QSER1: variants seen among roughly 807,000 people sequenced by gnomAD.
QSER1 encodes glutamine and serine-rich protein 1.
In QSER1, 49 loss-of-function variants were observed where a neutral mutation model predicts 158.5. The ratio of observed to expected loss-of-function variants is 0.31; its 90% CI spans 0.25 to 0.39. The LOEUF is 0.39. QSER1 is among the 10% of genes least tolerant of loss of function. The probability of loss-of-function intolerance (pLI) is 1.00; values close to 1 mark genes in which losing one functional copy is unlikely to be tolerated. For synonymous variants in QSER1, 650 were observed against 715.5 expected (o/e 0.91, Z 1.46); for missense variants, 1,754 against 2,010.3 (o/e 0.87, Z 2.44).
At chr11:32,919,604 T>C (rs1330932319) in intron 1 of QSER1, among the ~76,000 whole-genome samples, 1 of 152,210 alleles carries the variant, frequency 6.6e-6, no homozygotes, top group African/African-American at 2.4e-5. Flanking sequence ...TGGTCGATTC[T>C]TGTCAGGTTT....
rs543777054 is a variant in QSER1, at chr11:32,932,202, G to A, written c.944G>A (p.Cys315Tyr). Residue 315 changes from cysteine to tyrosine, a missense_variant, in exon 4 of 13, where the codon TGT becomes TAT. Transcript: ENST00000650167. ...ATTGAAAGAGCTCTTCTTCGAGAAT[G>A]TAGTGTTATTAAACACCATCAGCGG... ...ASIERALLRE[C>Y]SVIKHHQRPS... is the part of the protein sequence containing the mutation. 9.9e-5 allele frequency: 160 copies of A among 1,614,194 alleles called. 6 individuals are homozygous for A. In the South Asian group the frequency reaches 1.7e-3, roughly 18 times the overall value.
intron 4 of QSER1, among the ~76,000 whole-genome samples, chr11:32,935,983 T>C (rs1177159650): frequency 1.3e-5 from 2 of 152,216 alleles, no homozygotes; most frequent in Non-Finnish European, 1.5e-5. Context: ...TCAGATTATA[T>C]ACCCAAATCT....
intron 3 of QSER1, among the ~76,000 whole-genome samples, chr11:32,929,536 G>A (rs537986610): frequency 3.3e-5 from 5 of 151,866 alleles, no homozygotes; most frequent in Admixed American, 6.6e-5. Context: ...ACTATCATAC[G>A]GCCATTTAAA....
Position 32,933,814 on chromosome 11 carries a change from A to G in QSER1, c.2556A>G (p.Thr852=), listed in dbSNP as rs1218008052. Reference sequence around the variant, plus strand: ...GCCATCAGGCATCTCTTCCTAATACACAGGTCCTTTTAGATTCTGCCTGTG... The same window carrying G: ...GCCATCAGGCATCTCTTCCTAATACGCAGGTCCTTTTAGATTCTGCCTGTG... The part of the protein sequence containing the change: ...GHGHQASLPN[T]QVLLDSACDL... The change falls in exon 4 of 13, where the codon ACA becomes ACG. Residue 852 remains threonine (T), a synonymous_variant. Coordinates refer to ENST00000650167, the MANE Select transcript of QSER1 (RefSeq NM_001076786.3). 1 of 1,613,822 alleles carries G rather than the reference A, an allele frequency of 6.2e-7. No homozygotes were observed. The highest frequency in any genetic ancestry group is 1.7e-5 in the Admixed American group (1 of 59,974).
chr11:32,962,872 A>T (rs1852650811), intron 8 of QSER1, among the ~76,000 whole-genome samples: 1 of 152,184 alleles, frequency 6.6e-6, no homozygotes, highest in South Asian at 2.1e-4. Flanking sequence ...TTTAAGAATA[A>T]ATTAAGGTCT....
intron 1 of QSER1, among the ~76,000 whole-genome samples, chr11:32,896,182 GTCA>G (rs936942374): frequency 1.3e-5 from 2 of 152,104 alleles, no homozygotes; most frequent in Non-Finnish European, 2.9e-5. Flanking sequence ...AAATAAGAAG[GTCA>G]TCAAGAGTCT....
intron 11 of QSER1, among the ~76,000 whole-genome samples, chr11:32,974,144 A>G (rs117755686): frequency 0.012 from 1,851 of 152,322 alleles, 14 homozygotes; most frequent in Non-Finnish European, 0.02. Flanking sequence ...TTCAGGGCTA[A>G]GCACAATGGC....
At chr11:32,975,516 T>C in intron 12 of QSER1, 173 bp downstream of exon 12, 2 of 1,471,232 alleles carry the variant, frequency 1.4e-6, no homozygotes, top group Non-Finnish European at 1.8e-6. Context: ...CTCTGCTATG[T>C]TTTGTGCTCA....
intron 4 of QSER1, among the ~76,000 whole-genome samples, chr11:32,941,357 A>G (rs1852229502): frequency 1.4e-5 from 2 of 147,152 alleles, no homozygotes; most frequent in Non-Finnish European, 3.0e-5. Context: ...AGCATTAGGT[A>G]TATCTCCCAA....
Position 32,973,462 on chromosome 11 carries a change from A to T in QSER1, c.5271A>T (p.Gly1757=). The T allele has an allele frequency of 1.9e-6, 3 of 1,613,662 alleles. No homozygotes were observed. The highest frequency in any genetic ancestry group is 3.3e-5 in the Admixed American group (2 of 60,004). ...ITRDSKAKSG[G]TAISKIKMNG... is the part of the protein sequence containing the mutation. ...GAGATTCTAAAGCAAAGAGTGGAGGAACTGCTATTTCTAAAATCAAAATGA... is the reference window on the plus strand; with the variant it reads ...GAGATTCTAAAGCAAAGAGTGGAGGTACTGCTATTTCTAAAATCAAAATGA... Residue 1757 remains glycine (G), a synonymous_variant, in exon 11 of 13, where the codon GGA becomes GGT. Coordinates refer to ENST00000650167, the MANE Select transcript of QSER1 (RefSeq NM_001076786.3).
At chr11:32,936,121 G>A (rs1463627813) in intron 4 of QSER1, among the ~76,000 whole-genome samples, 7 of 152,038 alleles carry the variant, frequency 4.6e-5, no homozygotes, top group Non-Finnish European at 1.0e-4. Context: ...CATGTGCCAT[G>A]TTGGTGGGCT....
intron 5 of QSER1, 54 bp from the exon 6 acceptor site, chr11:32,955,242 G>C: frequency 2.1e-6 from 2 of 965,548 alleles, no homozygotes; most frequent in Non-Finnish European, 3.2e-6. Context: ...AATATTCTAA[G>C]ATCTAAAATA....
Position 32,933,292 on chromosome 11 carries a change from G to T in QSER1, c.2034G>T (p.Lys678Asn). ...SPDPKSYAERKLDSDVYPSSK... is the reference protein window; with the variant it reads ...SPDPKSYAERNLDSDVYPSSK... Reference sequence around the variant, plus strand: ...ACCCAAAGTCTTATGCTGAAAGAAAGCTTGACTCAGATGTGTATCCATCTT... The same window carrying T: ...ACCCAAAGTCTTATGCTGAAAGAAATCTTGACTCAGATGTGTATCCATCTT... Residue 678 changes from lysine (K) to asparagine (N), a missense_variant, in exon 4 of 13, where the codon AAG becomes AAT. This residue lies in a region of QSER1 where 1,707 missense variants were observed against 1,919.6 expected (regional missense o/e 0.89). Transcript: ENST00000650167. 3 of 1,610,182 alleles carry T rather than the reference G, an allele frequency of 1.9e-6. No homozygotes were observed. Among genetic ancestry groups the T allele is most frequent in the Non-Finnish European group, 2.5e-6 (3 of 1,178,836 alleles).
chr11:32,974,638 C>T (rs570720591), intron 11 of QSER1, among the ~76,000 whole-genome samples: 1 of 152,076 alleles, frequency 6.6e-6, no homozygotes, highest in African/African-American at 2.4e-5. Context: ...TTTTTGAGTG[C>T]CTATAGTATG....
rs545368175 is a variant in QSER1 at position 32,906,235 on chromosome 11, T to A, written c.209+12901T>A. On this transcript the variant is annotated intron_variant, in intron 1 of 12. Transcript: ENST00000650167. ...GTCAGGTGTTCAAGACCAGCCTGAT[T>A]AATATGGTGAAACCCTGTCTTTACT... Among the ~76,000 whole-genome samples the A allele has an allele frequency of 2.0e-5, 3 of 151,662 alleles. No homozygotes were observed. The South Asian group carries it at 6.3e-4, about 32-fold the overall frequency.
intron 4 of QSER1, among the ~76,000 whole-genome samples, chr11:32,942,525 C>G (rs1382216787): frequency 1.4e-4 from 21 of 151,352 alleles, no homozygotes; most frequent in Non-Finnish European, 1.3e-4. Flanking sequence ...TCAGGTTTGT[C>G]AAAGATCAGA....
At chr11:32,915,243 T>A (rs528494900) in intron 1 of QSER1, among the ~76,000 whole-genome samples, 156 of 152,270 alleles carry the variant, frequency 1.0e-3, no homozygotes, top group African/African-American at 3.5e-3. Flanking sequence ...AATTTTTTTT[T>A]AAAATGTGAC....
intron 1 of QSER1, among the ~76,000 whole-genome samples, chr11:32,911,211 A>C (rs1350439365): frequency 6.6e-6 from 1 of 151,966 alleles, no homozygotes; most frequent in Admixed American, 6.6e-5. Context: ...TCTGCATCTC[A>C]GGTAATTGAT....
rs772078409 is a variant in QSER1, at chr11:32,933,737, A to T, written c.2479A>T (p.Ile827Leu). The T allele has an allele frequency of 6.2e-6, 10 of 1,614,078 alleles. No individual in the cohort carries two copies. Among genetic ancestry groups the T allele is most frequent in the Non-Finnish European group, 6.8e-6 (8 of 1,179,978 alleles). Reference protein sequence around the residue: ...ESKVQEQHDQIINASSQIQIP... With the variant: ...ESKVQEQHDQLINASSQIQIP... ...CAAGGTCCAGGAACAGCACGATCAAATAATTAATGCTTCATCTCAGATTCA... is the reference window on the plus strand; with the variant it reads ...CAAGGTCCAGGAACAGCACGATCAATTAATTAATGCTTCATCTCAGATTCA... Residue 827 changes from isoleucine to leucine, a missense_variant, in exon 4 of 13, where the codon ATA becomes TTA. Around this residue, in one of 2 missense-constraint regions of QSER1, gnomAD observed 1,707 missense variants for 1,919.6 expected, o/e 0.89. Transcript: ENST00000650167.
Sources: allele counts gnomAD v4.1 joint callset (sites outside exome capture counted in the v4.1 genomes callset), GRCh38; gene constraint gnomAD v4.1.1; regional missense constraint gnomAD v4.1.1; transcripts MANE v1.5; gene names NCBI Gene and HGNC (gene_info 2026-07-23, HGNC 2026-07-21).